Variants in NRG3 observed in about 807,000 individuals in gnomAD.
NRG3 encodes the protein pro-neuregulin-3, membrane-bound isoform.
NRG3 carries 31 observed loss-of-function variants against 66.9 expected under a neutral mutation model. The ratio of observed to expected loss-of-function variants is 0.46; its 90% CI spans 0.35 to 0.63. The LOEUF (loss-of-function observed/expected upper bound fraction) is 0.63. Ranked by LOEUF, NRG3 falls within the 20% of genes least tolerant of loss-of-function variation. The pLI, the probability that NRG3 is intolerant of heterozygous loss-of-function variation, is 0.00. For missense variants in NRG3, 910 were observed against 878.9 expected, an observed-to-expected ratio of 1.04 and a Z score of -0.45; for synonymous variants, 393 against 359.4, an observed-to-expected ratio of 1.09 and a Z score of -1.06.
At chr10:82,743,489 G>GA (rs1270649194) in intron 3 of NRG3, among the ~76,000 whole-genome samples, 20 of 151,914 alleles carry the variant, frequency 1.3e-4, no homozygotes, top group African/African-American at 4.3e-4. Flanking sequence ...CTAAAGAAAA[G>GA]AAAAAAACAA....
chr10:82,562,913 C>T (rs1432524769), intron 2 of NRG3, among the ~76,000 whole-genome samples: 2 of 152,132 alleles, frequency 1.3e-5, no homozygotes, highest in Admixed American at 6.6e-5. Flanking sequence ...CTTCCAGTCA[C>T]GTTTTAGTGG....
chr10:81,962,633 A>G (rs2059563031), intron 1 of NRG3, among the ~76,000 whole-genome samples: 1 of 152,174 alleles, frequency 6.6e-6, no homozygotes, highest in Non-Finnish European at 1.5e-5. Context: ...TTACTAAACA[A>G]CTATTTAGCT....
rs142850578 is a variant in NRG3 at position 82,828,758 on chromosome 10, T to G, written c.1028-36653T>G. 2.8e-3 allele frequency among the ~76,000 whole-genome samples: 419 copies of G among 152,268 alleles called. 4 individuals are homozygous for G. The highest frequency in any genetic ancestry group is 0.01 in the Middle Eastern group (3 of 294). On this transcript the variant is annotated intron_variant, in intron 3 of 8. Coordinates refer to ENST00000372141, the MANE Select transcript of NRG3 (RefSeq NM_001010848.4). The stretch of plus-strand genomic sequence containing the variant: ...ACAAAATAAGTTGGGAGTGGCTATC[T>G]GAGAAGAAAAGAAAGATGCAAAATC...
At chr10:81,881,952 A>T (rs888759385) in intron 1 of NRG3, among the ~76,000 whole-genome samples, 2 of 152,082 alleles carry the variant, frequency 1.3e-5, no homozygotes, top group Non-Finnish European at 2.9e-5. Flanking sequence ...TGTCTATATG[A>T]TTCAGTTTCT....
intron 2 of NRG3, among the ~76,000 whole-genome samples, chr10:82,460,487 C>G (rs1038272551): frequency 2.6e-5 from 4 of 152,292 alleles, no homozygotes; most frequent in African/African-American, 9.6e-5. Context: ...TTCTTTTCCT[C>G]CCTTTACCTC....
At chr10:82,279,102 T>C (rs2079003146) in intron 1 of NRG3, among the ~76,000 whole-genome samples, 1 of 152,190 alleles carries the variant, frequency 6.6e-6, no homozygotes, top group African/African-American at 2.4e-5. Flanking sequence ...AGAACCTAAC[T>C]CAATGCCCAG....
chr10:82,792,506 A>G (rs893656795), intron 3 of NRG3, among the ~76,000 whole-genome samples: 1 of 151,956 alleles, frequency 6.6e-6, no homozygotes, highest in Admixed American at 6.6e-5. Flanking sequence ...CTTTTAATCT[A>G]TTCTTCATCT....
chr10:82,707,364 T>C (rs2056371630), intron 2 of NRG3, among the ~76,000 whole-genome samples: 1 of 151,966 alleles, frequency 6.6e-6, no homozygotes, highest in Admixed American at 6.6e-5. Context: ...AGATTTTTCT[T>C]TTTCTTTCTT....
chr10:82,398,047 A>C (rs1369041005), intron 2 of NRG3, among the ~76,000 whole-genome samples: 1 of 152,110 alleles, frequency 6.6e-6, no homozygotes, highest in East Asian at 1.9e-4. Flanking sequence ...CTCTCTCTGA[A>C]ACTCTCCTTT....
At chr10:82,321,599 G>A (rs2081582272) in intron 1 of NRG3, among the ~76,000 whole-genome samples, 1 of 152,022 alleles carries the variant, frequency 6.6e-6, no homozygotes, top group Non-Finnish European at 1.5e-5. Flanking sequence ...CCCTGGTTTT[G>A]GGTTTTGACA....
intron 1 of NRG3, among the ~76,000 whole-genome samples, chr10:82,260,298 C>T (rs991449006): frequency 2.6e-5 from 4 of 152,090 alleles, no homozygotes; most frequent in Admixed American, 6.5e-5. Flanking sequence ...ACATGGGAGA[C>T]GTTTATAATG....
chr10:82,450,340 G>A (rs1270164183), intron 2 of NRG3, among the ~76,000 whole-genome samples: 1 of 152,158 alleles, frequency 6.6e-6, no homozygotes, highest in Admixed American at 6.5e-5. Context: ...TACCATCAGA[G>A]CACTTGAGGA....
chr10:82,426,596 G>GACTTTC (rs2089455848), intron 2 of NRG3, among the ~76,000 whole-genome samples: 1 of 120,760 alleles, frequency 8.3e-6, no homozygotes, highest in African/African-American at 3.2e-5. Flanking sequence ...GTCCTCAATG[G>GACTTTC]AATTATTATT....
intron 1 of NRG3, among the ~76,000 whole-genome samples, chr10:82,106,131 T>A (rs7088520): frequency 6.6e-6 from 1 of 151,902 alleles, no homozygotes; most frequent in African/African-American, 2.4e-5. Context: ...CACTGCAGCC[T>A]AGTTAGCAAG....
At chr10:82,198,509 G>A (rs2074570760) in intron 1 of NRG3, among the ~76,000 whole-genome samples, 1 of 152,106 alleles carries the variant, frequency 6.6e-6, no homozygotes, top group African/African-American at 2.4e-5. Flanking sequence ...ATAAGCAAAG[G>A]TGATTTAAAA....
At chr10:82,190,741 A>G (rs1384525636) in intron 1 of NRG3, among the ~76,000 whole-genome samples, 3 of 152,194 alleles carry the variant, frequency 2.0e-5, no homozygotes, top group Non-Finnish European at 4.4e-5. Context: ...CTTCAGCAAG[A>G]GCGCAGCCAA....
intron 2 of NRG3, among the ~76,000 whole-genome samples, chr10:82,487,493 A>T (rs1330871557): frequency 1.3e-5 from 2 of 152,164 alleles, no homozygotes; most frequent in Non-Finnish European, 2.9e-5. Flanking sequence ...AATATATATT[A>T]AAAAATAGTG....
intron 1 of NRG3, among the ~76,000 whole-genome samples, chr10:82,281,351 G>A (rs1326530196): frequency 6.6e-6 from 1 of 152,108 alleles, no homozygotes; most frequent in African/African-American, 2.4e-5. Context: ...GAGATGGATA[G>A]GAACTTACTA....
At chr10:82,940,816 C>A (rs1052222824) in intron 4 of NRG3, among the ~76,000 whole-genome samples, 1 of 152,110 alleles carries the variant, frequency 6.6e-6, no homozygotes, top group African/African-American at 2.4e-5. Context: ...GACTTACCCA[C>A]TTCCCAAAAG....
Sources: gnomAD v4.1 joint callset for allele counts (sites outside exome capture counted in the v4.1 genomes callset) on GRCh38, gnomAD v4.1.1 for gene constraint, MANE v1.5 for transcripts, NCBI Gene and HGNC (gene_info 2026-07-23, HGNC 2026-07-21) for gene names.